Variants in CACNA1C observed in about 807,000 individuals in gnomAD.
The protein encoded by CACNA1C is calcium voltage-gated channel subunit alpha1 C.
A neutral mutation model predicts 229.0 loss-of-function variants in CACNA1C; 30 were observed. The observed-to-expected ratio is 0.13, with a 90% CI of 0.10 to 0.18. The LOEUF is 0.18. CACNA1C is among the 10% of genes least tolerant of loss of function. The pLI, the probability that CACNA1C is intolerant of heterozygous loss-of-function variation, is 1.00. For synonymous variants in CACNA1C, 1,114 were observed against 1,132.5 expected (o/e 0.98, Z 0.33); for missense variants, 1,658 against 2,845.0 (o/e 0.58, Z 9.49).
At chr12:2,357,111 C>G (rs1344463548) in intron 3 of CACNA1C, among the ~76,000 whole-genome samples, 1 of 152,186 alleles carries the variant, frequency 6.6e-6, no homozygotes, top group Non-Finnish European at 1.5e-5. Flanking sequence ...TTATGTGTCA[C>G]TCATTGATGA....
At chr12:2,119,362 A>G (rs2085457278) in intron 2 of CACNA1C, among the ~76,000 whole-genome samples, 1 of 152,180 alleles carries the variant, frequency 6.6e-6, no homozygotes, top group Non-Finnish European at 1.5e-5. Context: ...GGAGCGGGGT[A>G]GGTGGGAGTG....
At chr12:2,079,030 C>CA (rs1428810197) in intron 1 of CACNA1C, among the ~76,000 whole-genome samples, 1 of 145,110 alleles carries the variant, frequency 6.9e-6, no homozygotes, top group Non-Finnish European at 1.5e-5. Flanking sequence ...ATCACAAGGA[C>CA]AAAAAACCAA....
chr12:2,183,335 G>A (rs573516457), intron 3 of CACNA1C, among the ~76,000 whole-genome samples: 66 of 152,304 alleles, frequency 4.3e-4, no homozygotes, highest in African/African-American at 1.4e-3. Context: ...GAGTCCCTAT[G>A]CAGAGGTTCC....
At chr12:2,615,961 C>T (rs2080306297) in intron 29 of CACNA1C, among the ~76,000 whole-genome samples, 1 of 152,220 alleles carries the variant, frequency 6.6e-6, no homozygotes, top group South Asian at 2.1e-4. Flanking sequence ...CAGGCTCCAC[C>T]TGGGCCGCAG....
At chr12:2,674,935 A>G (rs2096729609) in intron 39 of CACNA1C, among the ~76,000 whole-genome samples, 1 of 152,162 alleles carries the variant, frequency 6.6e-6, no homozygotes, top group South Asian at 2.1e-4. Flanking sequence ...CAAGTCCCTG[A>G]TGCTTAGGGG....
intron 9 of CACNA1C, among the ~76,000 whole-genome samples, chr12:2,536,747 T>A (rs559751376): frequency 6.6e-6 from 1 of 152,170 alleles, no homozygotes; most frequent in East Asian, 1.9e-4. Flanking sequence ...GAGGATCACT[T>A]GAGACTGGGA....
chr12:2,257,216 C>G (rs1468134501), intron 3 of CACNA1C, among the ~76,000 whole-genome samples: 3 of 152,170 alleles, frequency 2.0e-5, no homozygotes, highest in Non-Finnish European at 2.9e-5. Flanking sequence ...TGACATTTCA[C>G]TGGCCAGAAG....
chr12:2,604,942 T>C, intron 22 of CACNA1C, 139 bp from the exon 23 acceptor site: 1 of 697,538 alleles, frequency 1.4e-6, no homozygotes, highest in Non-Finnish European at 2.6e-6. Context: ...GGTCCCAGAA[T>C]GCGAACATCC....
intron 11 of CACNA1C, among the ~76,000 whole-genome samples, chr12:2,559,974 TATTA>T (rs1197899464): frequency 4.7e-4 from 71 of 152,356 alleles, no homozygotes; most frequent in Non-Finnish European, 2.9e-5. Context: ...ACATAAAAAT[TATTA>T]ATGACATATT....
At chr12:2,429,704 G>T (rs191388780) in intron 3 of CACNA1C, among the ~76,000 whole-genome samples, 1 of 152,274 alleles carries the variant, frequency 6.6e-6, no homozygotes, top group East Asian at 1.9e-4. Flanking sequence ...TCAGAAATTT[G>T]CAAGGGGTGC....
At position 2,478,682 on chromosome 12, in the gene CACNA1C, C is replaced by G. The variant is rs149306047; in HGVS notation, c.758-7422C>G. On this transcript the variant is annotated intron_variant, in intron 5 of 46. Coordinates refer to ENST00000399655, the MANE Select transcript of CACNA1C (RefSeq NM_000719.7). ...TATGGGATAGGTAAACGATCATCCT[C>G]TCTTTAAGATGAGGTCAATAGTTGG... Among the ~76,000 whole-genome samples, 90 of 152,314 alleles carry G rather than the reference C, an allele frequency of 5.9e-4. No homozygotes were observed. The East Asian group carries it at 0.014, about 25-fold the overall frequency.
intron 3 of CACNA1C, among the ~76,000 whole-genome samples, chr12:2,411,197 G>A (rs1360537274): frequency 3.3e-5 from 5 of 152,084 alleles, no homozygotes; most frequent in Admixed American, 6.5e-5. Context: ...CCACTCGAGC[G>A]GGGAAGAAGG....
intron 1 of CACNA1C, chr12:1,991,999 TA>T: frequency 4.0e-6 from 1 of 250,704 alleles, no homozygotes. Flanking sequence ...AACCCTGACA[TA>T]ACTATAAGCA....
At chr12:2,063,905 G>C (rs555155892) in intron 1 of CACNA1C, among the ~76,000 whole-genome samples, 43 of 152,296 alleles carry the variant, frequency 2.8e-4, no homozygotes, top group South Asian at 1.0e-3. Flanking sequence ...TTACCTAGGA[G>C]TGGAATTGCT....
chr12:2,438,531 T>C (rs987114227), intron 3 of CACNA1C, among the ~76,000 whole-genome samples: 5 of 151,776 alleles, frequency 3.3e-5, no homozygotes, highest in Admixed American at 6.6e-5. Context: ...GTGGAGAAAG[T>C]GGCAGGGATG....
chr12:2,596,688 C>T (rs1265107327), intron 20 of CACNA1C, among the ~76,000 whole-genome samples: 2 of 152,102 alleles, frequency 1.3e-5, no homozygotes, highest in Non-Finnish European at 2.9e-5. Flanking sequence ...AGTATGCAGT[C>T]CTGGAGCCGG....
intron 3 of CACNA1C, among the ~76,000 whole-genome samples, chr12:2,276,889 G>A (rs1203314012): frequency 6.6e-6 from 1 of 152,084 alleles, no homozygotes; most frequent in African/African-American, 2.4e-5. Flanking sequence ...CTGGGGCAGG[G>A]ACCAGGGAGA....
chr12:2,328,208 C>A (rs1332420887), intron 3 of CACNA1C, among the ~76,000 whole-genome samples: 1 of 152,174 alleles, frequency 6.6e-6, no homozygotes, highest in African/African-American at 2.4e-5. Flanking sequence ...TTTCAAGGTT[C>A]ACAGAAATTT....
Position 2,647,962 on chromosome 12 carries a change from T to TA in CACNA1C, c.3913-506dup, listed in dbSNP as rs1357350564. Among the ~76,000 whole-genome samples the TA allele has an allele frequency of 2.0e-5, 3 of 152,114 alleles. No homozygotes were observed. Among genetic ancestry groups the TA allele is most frequent in the Non-Finnish European group, 4.4e-5 (3 of 68,000 alleles). On this transcript the variant is annotated intron_variant, in intron 30 of 46. Coordinates refer to ENST00000399655, the MANE Select transcript of CACNA1C (RefSeq NM_000719.7). This position sits in a 1 kb window ranked among gnomAD's most constrained non-coding sequence, Gnocchi z 4.2. The stretch of plus-strand genomic sequence containing the variant: ...GGGCAGTATAGTGAGACCCTGTCTC[T>TA]AAAAAAATTAAAATAAAAAATTTAA...
Sources: gnomAD v4.1 joint callset for allele counts (sites outside exome capture counted in the v4.1 genomes callset) on GRCh38, gnomAD v4.1.1 for gene constraint, Gnocchi (gnomAD v3.1) non-coding constraint, MANE v1.5 for transcripts, NCBI Gene and HGNC (gene_info 2026-07-23, HGNC 2026-07-21) for gene names.